The following FBXO4 variants were observed in gnomAD, a reference collection of about 807,000 sequenced individuals.
The protein encoded by FBXO4 is F-box protein 4.
A neutral mutation model predicts 43.7 loss-of-function variants in FBXO4; 36 were observed. That is an observed-to-expected ratio of 0.82 (90% CI 0.63 to 1.09). FBXO4 has a LOEUF of 1.09. Ranked by LOEUF, FBXO4 falls within the 50% of genes least tolerant of loss-of-function variation. The pLI is 0.00. For synonymous variants in FBXO4, 180 were observed against 165.6 expected (o/e 1.09, Z -0.67); for missense variants, 435 against 474.1 (o/e 0.92, Z 0.77).
At chr5:42,005,917 C>T in the FBXO4 span, among the ~76,000 whole-genome samples, 1 of 152,072 alleles carries the variant, frequency 6.6e-6, no homozygotes, top group Non-Finnish European at 1.5e-5. Context: ...ACTTTTCAAC[C>T]CCTTAGCCTG....
At chr5:42,021,578 TAC>T in the FBXO4 span, among the ~76,000 whole-genome samples, 1 of 152,144 alleles carries the variant, frequency 6.6e-6, no homozygotes, top group East Asian at 1.9e-4. Flanking sequence ...AAGTCATGGT[TAC>T]AATTAAAAAA....
At chr5:41,942,532 A>C (rs946470381), downstream of FBXO4, among the ~76,000 whole-genome samples, 4 of 152,092 alleles carry the variant, frequency 2.6e-5, no homozygotes, top group Non-Finnish European at 5.9e-5. Flanking sequence ...GATTTAAACT[A>C]GTACCTTATG....
the FBXO4 span, among the ~76,000 whole-genome samples, chr5:42,027,383 T>G: frequency 6.6e-6 from 1 of 151,916 alleles, no homozygotes; most frequent in Non-Finnish European, 1.5e-5. Flanking sequence ...TTCTTCAGTA[T>G]CAGTTGTAAT....
At chr5:42,010,977 T>A in the FBXO4 span, among the ~76,000 whole-genome samples, 1 of 152,144 alleles carries the variant, frequency 6.6e-6, no homozygotes, top group African/African-American at 2.4e-5. Context: ...GCTGCACCCA[T>A]CAACCCGTTA....
the FBXO4 span, among the ~76,000 whole-genome samples, chr5:41,991,140 C>G: frequency 6.6e-6 from 1 of 152,204 alleles, no homozygotes; most frequent in Non-Finnish European, 1.5e-5. Flanking sequence ...CCTCTACTAA[C>G]CTGCTGACCA....
the FBXO4 span, among the ~76,000 whole-genome samples, chr5:42,025,652 T>C: frequency 6.6e-6 from 1 of 152,044 alleles, no homozygotes; most frequent in Non-Finnish European, 1.5e-5. Flanking sequence ...CAGCATTTTA[T>C]TGTAGTAGTT....
the FBXO4 span, among the ~76,000 whole-genome samples, chr5:41,966,661 G>A: frequency 1.3e-5 from 2 of 151,982 alleles, no homozygotes; most frequent in East Asian, 1.9e-4. Flanking sequence ...CAATCGATAC[G>A]TATATAGATT....
At chr5:42,004,385 A>G in the FBXO4 span, among the ~76,000 whole-genome samples, 2 of 152,182 alleles carry the variant, frequency 1.3e-5, no homozygotes, top group African/African-American at 4.8e-5. Flanking sequence ...AATTTTCTTA[A>G]GGTGAAGAGT....
chr5:41,992,836 C>T, the FBXO4 span, among the ~76,000 whole-genome samples: 1 of 152,188 alleles, frequency 6.6e-6, no homozygotes, highest in South Asian at 2.1e-4. Context: ...AGTATGCTGC[C>T]TTATTCTTTC....
chr5:41,991,979 G>T, the FBXO4 span, among the ~76,000 whole-genome samples: 1 of 152,192 alleles, frequency 6.6e-6, no homozygotes, highest in Admixed American at 6.5e-5. Context: ...TCGGGAGGCT[G>T]AGGCAGGAGA....
chr5:41,976,942 G>A, the FBXO4 span, among the ~76,000 whole-genome samples: 1 of 152,178 alleles, frequency 6.6e-6, no homozygotes, highest in East Asian at 1.9e-4. Flanking sequence ...CTTCATGCCT[G>A]CATTCTGTGT....
the FBXO4 span, among the ~76,000 whole-genome samples, chr5:41,966,146 G>A: frequency 1.3e-5 from 2 of 152,130 alleles, no homozygotes; most frequent in African/African-American, 4.8e-5. Context: ...AGGGCCTGTT[G>A]TGGGGTGGGG....
chr5:42,003,865 C>G, the FBXO4 span, among the ~76,000 whole-genome samples: 4 of 152,060 alleles, frequency 2.6e-5, no homozygotes, highest in Non-Finnish European at 4.4e-5. Context: ...CCCAGCGATC[C>G]CATTACTGGG....
At chr5:41,967,930 T>C in the FBXO4 span, 1 of 537,610 alleles carries the variant, frequency 1.9e-6, no homozygotes, top group South Asian at 1.4e-5. Flanking sequence ...CCTGGTTTTG[T>C]TGAGGATATG....
intron 2 of FBXO4, among the ~76,000 whole-genome samples, chr5:41,927,596 T>C (rs1352406625): frequency 6.6e-6 from 1 of 152,222 alleles, no homozygotes; most frequent in African/African-American, 2.4e-5. Flanking sequence ...GAGACCCCTG[T>C]TGTTTGGCAG....
At chr5:41,980,080 G>C in the FBXO4 span, among the ~76,000 whole-genome samples, 3 of 152,182 alleles carry the variant, frequency 2.0e-5, no homozygotes, top group African/African-American at 4.8e-5. Flanking sequence ...TATAGGGATA[G>C]TCTTAAGAGT....
chr5:42,024,058 T>TAAATTCTATTTATCC, the FBXO4 span, among the ~76,000 whole-genome samples: 1 of 152,084 alleles, frequency 6.6e-6, no homozygotes, highest in Non-Finnish European at 1.5e-5. Context: ...ACTATTTATC[T>TAAATTCTATTTATCC]AAATTCTATT....
chr5:42,001,214 GTCAT>G, the FBXO4 span, among the ~76,000 whole-genome samples: 6,424 of 136,114 alleles, frequency 0.047, 230 homozygotes, highest in Admixed American at 0.11. Context: ...TGAAAACATT[GTCAT>G]TCATTCATTC....
At chr5:42,029,533 C>T in the FBXO4 span, among the ~76,000 whole-genome samples, 1 of 151,996 alleles carries the variant, frequency 6.6e-6, no homozygotes, top group Admixed American at 6.6e-5. Flanking sequence ...ACATTTCCTA[C>T]TCCTATCTCT....
Sources: gnomAD v4.1 joint callset for allele counts (sites outside exome capture counted in the v4.1 genomes callset) on GRCh38, gnomAD v4.1.1 for gene constraint, MANE v1.5 for transcripts, NCBI Gene and HGNC (gene_info 2026-07-23, HGNC 2026-07-21) for gene names.